RNLS: variants seen among roughly 807,000 people sequenced by gnomAD.
The protein encoded by RNLS is renalase.
In RNLS, 39 loss-of-function variants were observed where a neutral mutation model predicts 39.8. The observed-to-expected ratio is 0.98, with a 90% CI of 0.76 to 1.28. RNLS has a LOEUF of 1.28. Ranked by LOEUF, RNLS falls within the 50% of genes most tolerant of loss-of-function variation. RNLS has a pLI of 0.00. For missense variants in RNLS, 410 were observed against 413.3 expected, an observed-to-expected ratio of 0.99 and a Z score of 0.07; for synonymous variants, 147 against 150.7, an observed-to-expected ratio of 0.98 and a Z score of 0.18.
the RNLS span, among the ~76,000 whole-genome samples, chr10:88,182,041 A>G: frequency 6.6e-6 from 1 of 152,150 alleles, no homozygotes; most frequent in East Asian, 1.9e-4. Context: ...TGCTGGCATT[A>G]GGGAAGGGTG....
At chr10:88,305,985 A>T (rs1310499388) in intron 6 of RNLS, among the ~76,000 whole-genome samples, 1 of 152,232 alleles carries the variant, frequency 6.6e-6, no homozygotes, top group Non-Finnish European at 1.5e-5. Context: ...AATCTCTCAG[A>T]CCACAGCACA....
chr10:88,537,260 G>A (rs188009081), intron 4 of RNLS, among the ~76,000 whole-genome samples: 24 of 152,208 alleles, frequency 1.6e-4, no homozygotes, highest in African/African-American at 1.7e-4. Flanking sequence ...CAGTAACTCC[G>A]GTTGATTCCT....
In RNLS at chr10:88,334,182, T is replaced by TC. The variant is rs1407741282; in HGVS notation, c.701-19542dup. Among the ~76,000 whole-genome samples, 3 of 152,218 alleles carry TC rather than the reference T, an allele frequency of 2.0e-5. No homozygotes were observed. In the South Asian group the frequency reaches 6.2e-4, roughly 31 times the overall value. On this transcript the variant is annotated intron_variant, in intron 5 of 6. Coordinates refer to ENST00000331772, the MANE Select transcript of RNLS (RefSeq NM_001031709.3). ...GCTAAATGGCCCTTCAAAATCACAA[T>TC]CCCCCCAATAGTAAATGAGAGCTCT... is the stretch of plus-strand genomic sequence containing the variant.
the RNLS span, among the ~76,000 whole-genome samples, chr10:88,194,184 A>C: frequency 6.6e-6 from 1 of 152,164 alleles, no homozygotes; most frequent in Non-Finnish European, 1.5e-5. Flanking sequence ...CCTGGTTGAC[A>C]CTTTGTGCTG....
chr10:88,294,423 C>G (rs771383565), intron 6 of RNLS, among the ~76,000 whole-genome samples: 1 of 151,950 alleles, frequency 6.6e-6, no homozygotes, highest in Non-Finnish European at 1.5e-5. Flanking sequence ...AAAGGAAGGG[C>G]TGGGACATGA....
At chr10:88,274,615 C>T (rs2132583934) in exon 7 of RNLS, 1 of 225,632 alleles carries the variant, frequency 4.4e-6, no homozygotes, top group East Asian at 9.8e-5. Flanking sequence ...GGGTTGCTTC[C>T]ACCTTTTGGC....
intron 6 of RNLS, among the ~76,000 whole-genome samples, chr10:88,286,991 G>T (rs542520241): frequency 1.3e-5 from 2 of 151,954 alleles, no homozygotes; most frequent in South Asian, 4.2e-4. Context: ...GTCTCACTAT[G>T]TTGCCCAGGC....
At chr10:88,528,952 G>C (rs745964232) in intron 4 of RNLS, among the ~76,000 whole-genome samples, 10 of 151,688 alleles carry the variant, frequency 6.6e-5, no homozygotes, top group Non-Finnish European at 1.3e-4. Context: ...TGGATTGAAA[G>C]AATGTTTTTA....
chr10:88,190,266 C>A, the RNLS span, among the ~76,000 whole-genome samples: 40 of 152,358 alleles, frequency 2.6e-4, no homozygotes, highest in Admixed American at 1.2e-3. Context: ...CAGACCTGGA[C>A]TTCTCATTCA....
the RNLS span, among the ~76,000 whole-genome samples, chr10:88,203,493 T>TATATATATATATA: frequency 2.9e-5 from 4 of 138,232 alleles, no homozygotes; most frequent in East Asian, 2.2e-4. Flanking sequence ...TATATATATA[T>TATATATATATATA]TTCAAGAGAG....
intron 5 of RNLS, among the ~76,000 whole-genome samples, chr10:88,349,523 G>T (rs1848532407): frequency 6.6e-6 from 1 of 152,102 alleles, no homozygotes; most frequent in Admixed American, 6.5e-5. Flanking sequence ...AGGCTGGTGT[G>T]AACTCCTGGC....
At position 88,583,271 on chromosome 10, in the gene RNLS, G is replaced by T. The variant is rs934387640; in HGVS notation, c.-81C>A. The T allele has an allele frequency of 1.9e-6, 3 of 1,573,496 alleles. No homozygotes were observed. The African/African-American group carries it at 4.1e-5, about 21-fold the overall frequency. Reference sequence around the variant, plus strand: ...GGCTTTCTGGAAAGGCGGCCGAACCGGCGCTAGCGCTCTTTGGTTCCGTGC... The same window carrying T: ...GGCTTTCTGGAAAGGCGGCCGAACCTGCGCTAGCGCTCTTTGGTTCCGTGC... On this transcript the variant is annotated 5_prime_UTR_variant, in exon 1 of 7. Coordinates refer to ENST00000331772, the MANE Select transcript of RNLS (RefSeq NM_001031709.3).
At chr10:88,275,244 T>C (rs1469635398) in intron 6 of RNLS, among the ~76,000 whole-genome samples, 1 of 152,198 alleles carries the variant, frequency 6.6e-6, no homozygotes, top group Non-Finnish European at 1.5e-5. Flanking sequence ...CCTAACCTTG[T>C]CCCACTTATT....
Position 88,509,322 on chromosome 10 carries a change from A to G in RNLS, c.526+63581T>C, listed in dbSNP as rs1256322345. 2.6e-5 allele frequency among the ~76,000 whole-genome samples: 4 copies of G among 152,064 alleles called. No individual in the cohort carries two copies. In the East Asian group the frequency reaches 7.7e-4, roughly 29 times the overall value. The stretch of plus-strand genomic sequence containing the variant: ...CACTTGTCTGTGAACTCCATCTGAA[A>G]ATGGACTGCATGTATCTTGTTCCCC... On this transcript the variant is annotated intron_variant, in intron 4 of 6. Transcript: ENST00000331772.
chr10:88,206,965 G>T, the RNLS span, among the ~76,000 whole-genome samples: 4 of 152,098 alleles, frequency 2.6e-5, no homozygotes, highest in African/African-American at 7.2e-5. Flanking sequence ...CAAGTAAAAG[G>T]TTATAAAGGT....
the RNLS span, among the ~76,000 whole-genome samples, chr10:88,176,623 TG>T: frequency 2.0e-5 from 3 of 152,242 alleles, no homozygotes; most frequent in Admixed American, 6.5e-5. Flanking sequence ...CTTTGTGGTT[TG>T]GTGATTTACT....
the RNLS span, among the ~76,000 whole-genome samples, chr10:88,218,162 C>T: frequency 1.1e-4 from 17 of 152,362 alleles, no homozygotes; most frequent in Middle Eastern, 6.8e-3. Flanking sequence ...TGGGTGCCCG[C>T]GCACTATGGT....
At chr10:88,202,414 G>T in the RNLS span, among the ~76,000 whole-genome samples, 3,192 of 152,044 alleles carry the variant, frequency 0.021, 42 homozygotes, top group Middle Eastern at 0.038. Context: ...AAACCTGCAC[G>T]TTGTGCACAT....
chr10:88,309,603 G>T, intron 6 of RNLS: 1 of 483,350 alleles, frequency 2.1e-6, no homozygotes, highest in East Asian at 7.1e-5. Context: ...GAGCCAAATG[G>T]AAACTTTGTA....
Sources: gnomAD v4.1 joint callset for allele counts (sites outside exome capture counted in the v4.1 genomes callset) on GRCh38, gnomAD v4.1.1 for gene constraint, MANE v1.5 for transcripts, NCBI Gene and HGNC (gene_info 2026-07-23, HGNC 2026-07-21) for gene names.